SCAPER: variants seen among roughly 807,000 people sequenced by gnomAD.
The protein encoded by SCAPER is S phase cyclin A-associated protein in the endoplasmic reticulum.
Under a neutral mutation model 182.2 loss-of-function variants are expected in SCAPER, and 98 were observed. That is an observed-to-expected ratio of 0.54 (90% confidence interval 0.46 to 0.64). The LOEUF (loss-of-function observed/expected upper bound fraction) is 0.64. Among genes scored for constraint, SCAPER ranks in the 30% least tolerant of loss-of-function variants. The pLI is 0.00. For synonymous variants in SCAPER, 605 were observed against 564.6 expected (o/e 1.07, Z -1.01); for missense variants, 1,432 against 1,690.0 (o/e 0.85, Z 2.68).
intron 15 of SCAPER, among the ~76,000 whole-genome samples, chr15:76,737,197 G>A (rs904738848): frequency 1.3e-5 from 2 of 152,194 alleles, no homozygotes; most frequent in Non-Finnish European, 2.9e-5. Context: ...GGCAGCTATA[G>A]CTTTATAAAA....
At chr15:76,526,856 G>GT (rs570754649) in intron 23 of SCAPER, among the ~76,000 whole-genome samples, 152 of 146,262 alleles carry the variant, frequency 1.0e-3, no homozygotes, top group African/African-American at 1.1e-3. Flanking sequence ...TTTTCAAATA[G>GT]TTTTTTTTTT....
rs2043279254 is a variant in SCAPER at position 76,527,235 on chromosome 15, A to G, written c.2839-22261T>C. Among the ~76,000 whole-genome samples, 4 of 152,158 alleles carry G rather than the reference A, an allele frequency of 2.6e-5. No homozygotes were observed. The South Asian group carries it at 8.3e-4, about 31-fold the overall frequency. On this transcript the variant is annotated intron_variant, in intron 23 of 31. Transcript: ENST00000563290. Reference sequence around the variant, plus strand: ...TTTATCTGTTATAAATTCTTGTTCTATTTTTGAAAGTTATGTCATGGCTTT... The same window carrying G: ...TTTATCTGTTATAAATTCTTGTTCTGTTTTTGAAAGTTATGTCATGGCTTT...
At chr15:76,733,152 C>T in intron 16 of SCAPER, 77 bp downstream of exon 16, 2 of 1,379,414 alleles carry the variant, frequency 1.4e-6, no homozygotes, top group Non-Finnish European at 2.0e-6. Context: ...GGGAGAAAAA[C>T]CCACCGACCC....
rs558676633 is a variant in SCAPER at position 76,528,637 on chromosome 15, G to C, written c.2839-23663C>G. Among the ~76,000 whole-genome samples, 16 of 152,296 alleles carry C rather than the reference G, an allele frequency of 1.1e-4. No individual in the cohort carries two copies. The South Asian group carries it at 3.1e-3, about 30-fold the overall frequency. ...CCCTATCGTCAGCTTACTTCAGGCT[G>C]CCACCATCTCACTTGAATATCCAAA... is the stretch of plus-strand genomic sequence containing the variant. On this transcript the variant is annotated intron_variant, in intron 23 of 31. Coordinates refer to ENST00000563290, the MANE Select transcript of SCAPER (RefSeq NM_020843.4).
chr15:76,455,830 C>A (rs2048691163), intron 25 of SCAPER, among the ~76,000 whole-genome samples: 1 of 152,112 alleles, frequency 6.6e-6, no homozygotes, highest in African/African-American at 2.4e-5. Context: ...CCTTTGCCCC[C>A]CAACTCCTGA....
At chr15:76,570,371 A>T (rs1437853227) in intron 23 of SCAPER, among the ~76,000 whole-genome samples, 3 of 152,038 alleles carry the variant, frequency 2.0e-5, no homozygotes, top group Admixed American at 1.3e-4. Flanking sequence ...TACTAATCAA[A>T]CTCATGTCCA....
chr15:76,735,837 A>G (rs2061233355), intron 15 of SCAPER, among the ~76,000 whole-genome samples: 1 of 150,824 alleles, frequency 6.6e-6, no homozygotes, highest in Non-Finnish European at 1.5e-5. Flanking sequence ...AAAGATGATA[A>G]AACAACATAC....
At chr15:76,705,483 G>T (rs1398764624) in intron 18 of SCAPER, among the ~76,000 whole-genome samples, 1 of 151,212 alleles carries the variant, frequency 6.6e-6, no homozygotes. Context: ...CACCAGCATG[G>T]CACATGTATA....
chr15:76,818,655 C>G (rs1283934434), intron 5 of SCAPER, among the ~76,000 whole-genome samples: 1 of 152,184 alleles, frequency 6.6e-6, no homozygotes, highest in African/African-American at 2.4e-5. Flanking sequence ...CAGCTCCCAG[C>G]GTGAGCGACG....
intron 27 of SCAPER, among the ~76,000 whole-genome samples, chr15:76,389,990 TC>T (rs2043573929): frequency 6.6e-6 from 1 of 151,926 alleles, no homozygotes; most frequent in Non-Finnish European, 1.5e-5. Flanking sequence ...AGGGTCTTGC[TC>T]TGTTGCCCAG....
At chr15:76,714,331 T>C (rs1253332938) in intron 17 of SCAPER, among the ~76,000 whole-genome samples, 1 of 152,152 alleles carries the variant, frequency 6.6e-6, no homozygotes, top group Non-Finnish European at 1.5e-5. Flanking sequence ...CACAATAAAG[T>C]TGTGAAAAAA....
intron 4 of SCAPER, among the ~76,000 whole-genome samples, chr15:76,855,398 T>A (rs2071234552): frequency 7.0e-6 from 1 of 143,012 alleles, no homozygotes; most frequent in Non-Finnish European, 1.5e-5. Context: ...CAAAAGCAAT[T>A]GACACAAAAG....
intron 1 of SCAPER, among the ~76,000 whole-genome samples, chr15:76,898,095 G>T (rs932698147): frequency 6.6e-6 from 1 of 152,050 alleles, no homozygotes; most frequent in African/African-American, 2.4e-5. Flanking sequence ...CAGGTTAAAG[G>T]GGTTATGTTC....
In SCAPER at chr15:76,698,693, G is replaced by A. The variant is rs111590083; in HGVS notation, c.2508+3065C>T. ...GCCATCAAAGTGGTTAAAACTTGAG[G>A]AGCAAAATTCTTCCAAGTTAAAAAA... On this transcript the variant is annotated intron_variant, in intron 20 of 31. Transcript: ENST00000563290. Among the ~76,000 whole-genome samples the A allele has an allele frequency of 7.9e-3, 1,203 of 152,278 alleles. 11 individuals are homozygous for A. Among genetic ancestry groups the A allele is most frequent in the African/African-American group, 0.027 (1,142 of 41,540 alleles).
At chr15:76,406,460 A>G (rs1172924882) in intron 26 of SCAPER, among the ~76,000 whole-genome samples, 1 of 152,090 alleles carries the variant, frequency 6.6e-6, no homozygotes, top group Non-Finnish European at 1.5e-5. Context: ...CCTGGGCAAC[A>G]AAGTGAGACT....
chr15:76,470,825 C>T (rs2050098369), intron 25 of SCAPER, among the ~76,000 whole-genome samples: 1 of 152,168 alleles, frequency 6.6e-6, no homozygotes, highest in African/African-American at 2.4e-5. Context: ...ACCCTTTTAA[C>T]TTAACCTGGC....
chr15:76,888,758 G>C (rs1453403256), intron 1 of SCAPER, among the ~76,000 whole-genome samples: 2 of 152,126 alleles, frequency 1.3e-5, no homozygotes, highest in Non-Finnish European at 2.9e-5. Flanking sequence ...ACTCTTCAGG[G>C]TATTATCCAG....
At chr15:76,806,095 T>G (rs959010910) in intron 5 of SCAPER, among the ~76,000 whole-genome samples, 5 of 152,196 alleles carry the variant, frequency 3.3e-5, no homozygotes, top group African/African-American at 1.2e-4. Context: ...GTTCAATTTA[T>G]TTTTTCTCTG....
chr15:76,447,154 C>T (rs2048055491), intron 25 of SCAPER, among the ~76,000 whole-genome samples: 1 of 152,142 alleles, frequency 6.6e-6, no homozygotes, highest in Non-Finnish European at 1.5e-5. Flanking sequence ...TCCATAAAAA[C>T]CCAATAGGAT....
Sources: gnomAD v4.1 joint callset for allele counts (sites outside exome capture counted in the v4.1 genomes callset) on GRCh38, gnomAD v4.1.1 for gene constraint, MANE v1.5 for transcripts, NCBI Gene and HGNC (gene_info 2026-07-23, HGNC 2026-07-21) for gene names.